Variants in RP1 observed in about 807,000 individuals in gnomAD.
RP1 encodes RP1 axonemal microtubule associated.
In RP1, 16 loss-of-function variants were observed where a neutral mutation model predicts 14.8. The ratio of observed to expected loss-of-function variants is 1.08; its 90% confidence interval spans 0.73 to 1.65. RP1 has a LOEUF of 1.65. Among genes scored for constraint, RP1 ranks in the 40% most tolerant of loss-of-function variants. The pLI, the probability that RP1 is intolerant of heterozygous loss-of-function variation, is 0.00. For missense variants in RP1, 2,631 were observed against 2,535.0 expected (o/e 1.04, Z -0.81); for synonymous variants, 876 against 883.6 (o/e 0.99, Z 0.15).
At chr8:54,597,728 G>A (rs1353659158) in intron 1 of RP1, among the ~76,000 whole-genome samples, 2 of 152,140 alleles carry the variant, frequency 1.3e-5, no homozygotes, top group South Asian at 2.1e-4. Flanking sequence ...AATAAACAAT[G>A]CCAGACAAAA....
intron 5 of RP1, among the ~76,000 whole-genome samples, chr8:54,654,508 T>C (rs745817860): frequency 2.6e-5 from 4 of 152,178 alleles, no homozygotes; most frequent in Non-Finnish European, 5.9e-5. Context: ...AAACAATAAT[T>C]TTTCTCATGG....
At chr8:54,763,612 G>A (rs978176746) in intron 22 of RP1, among the ~76,000 whole-genome samples, 27 of 152,170 alleles carry the variant, frequency 1.8e-4, no homozygotes, top group Non-Finnish European at 2.6e-4. Context: ...CCCAGGAGGC[G>A]GAGGTAGTGG....
At chr8:54,559,592 T>C (rs1010613374) in intron 1 of RP1, among the ~76,000 whole-genome samples, 17 of 152,124 alleles carry the variant, frequency 1.1e-4, no homozygotes, top group African/African-American at 4.1e-4. Context: ...TAAGGTATTG[T>C]AGTTTTGAGA....
intron 1 of RP1, 44 bp from the exon 2 acceptor site, chr8:54,620,911 G>C: frequency 1.9e-6 from 3 of 1,559,096 alleles, no homozygotes; most frequent in Non-Finnish European, 8.8e-7. Flanking sequence ...CCATGTATTC[G>C]CTATGGTGCT....
At chr8:54,592,526 T>G (rs747277148) in intron 1 of RP1, among the ~76,000 whole-genome samples, 2 of 152,230 alleles carry the variant, frequency 1.3e-5, no homozygotes, top group Non-Finnish European at 2.9e-5. Flanking sequence ...AACTTATTCT[T>G]TAGCCCTCTT....
At chr8:54,772,330 C>A (rs902411766), downstream of RP1, among the ~76,000 whole-genome samples, 1 of 151,950 alleles carries the variant, frequency 6.6e-6, no homozygotes, top group African/African-American at 2.4e-5. Context: ...TAAACCCCCT[C>A]ACTAACTCCA....
chr8:54,582,478 C>A lies in RP1; in HGVS notation c.-13+23158C>A, dbSNP rs1052067371. Among the ~76,000 whole-genome samples, 976 of 150,712 alleles carry A rather than the reference C, an allele frequency of 6.5e-3. 14 individuals carry two copies. The highest frequency in any genetic ancestry group is 0.022 in the African/African-American group (913 of 40,828). ...TTCTTTTGCCTTAGGATTGACTTGG[C>A]AATGCGGGCTCTTTTTTGGTTCCAT... On this transcript the variant is annotated intron_variant, in intron 1 of 22. Coordinates refer to the RP1 transcript ENST00000636932.
intron 28 of RP1, among the ~76,000 whole-genome samples, chr8:54,868,488 G>T (rs1401117646): frequency 6.6e-6 from 1 of 152,060 alleles, no homozygotes; most frequent in Non-Finnish European, 1.5e-5. Flanking sequence ...TTAGTTTCAT[G>T]GTTTGTTTGA....
At chr8:54,845,550 A>C (rs553153428) in intron 25 of RP1, among the ~76,000 whole-genome samples, 1 of 152,292 alleles carries the variant, frequency 6.6e-6, no homozygotes, top group Non-Finnish European at 1.5e-5. Flanking sequence ...GGCTACAGAG[A>C]GTCCTGCAGA....
chr8:54,795,152 G>T (rs184299280), intron 24 of RP1, among the ~76,000 whole-genome samples: 1 of 151,882 alleles, frequency 6.6e-6, no homozygotes, highest in African/African-American at 2.4e-5. Context: ...GGAATGTATC[G>T]GTACAGACAT....
chr8:54,836,625 G>A (rs1397484955), intron 24 of RP1, among the ~76,000 whole-genome samples: 1 of 152,168 alleles, frequency 6.6e-6, no homozygotes, highest in African/African-American at 2.4e-5. Context: ...TGCTAACAGC[G>A]TGAATAAGCT....
At chr8:54,646,186 A>G (rs1453964839) in intron 3 of RP1, among the ~76,000 whole-genome samples, 1 of 151,996 alleles carries the variant, frequency 6.6e-6, no homozygotes, top group East Asian at 1.9e-4. Context: ...TTTGACTTCT[A>G]CTTTAAAAGA....
In RP1 at chr8:54,627,877, C is replaced by T. The variant is rs764480983; in HGVS notation, c.3995C>T (p.Thr1332Ile). Residue 1332 changes from threonine (T) to isoleucine (I), a missense_variant, in exon 4 of 4, where the codon ACC becomes ATC. Thr to Ile is a moderately conservative substitution (Grantham distance 89). Coordinates refer to ENST00000220676, the MANE Select transcript of RP1 (RefSeq NM_006269.2). ...TYEGACPIDE[T>I]YVPVNVCNTI... ...GAGGGAGCTTGCCCAATTGATGAGA[C>T]CTACGTTCCTGTCAATGTCTGCAAT... 6.2e-7 allele frequency: 1 copy of T among 1,614,116 alleles called. No individual in the cohort carries two copies. The highest frequency in any genetic ancestry group is 8.5e-7 in the Non-Finnish European group (1 of 1,179,984).
chr8:54,827,250 C>T (rs530688294), intron 24 of RP1, among the ~76,000 whole-genome samples: 1 of 152,164 alleles, frequency 6.6e-6, no homozygotes, highest in Admixed American at 6.5e-5. Context: ...CCTTAGCTTA[C>T]TGTTTGATTT....
intron 7 of RP1, among the ~76,000 whole-genome samples, chr8:54,664,862 C>A (rs1195303213): frequency 6.6e-6 from 1 of 152,000 alleles, no homozygotes; most frequent in Non-Finnish European, 1.5e-5. Context: ...GAGAAGGAGG[C>A]AAGGATTGAA....
At chr8:54,593,562 A>G (rs1805083548) in intron 1 of RP1, among the ~76,000 whole-genome samples, 1 of 152,188 alleles carries the variant, frequency 6.6e-6, no homozygotes, top group South Asian at 2.1e-4. Context: ...TCACAAGTCC[A>G]GCTAATCTCA....
intron 15 of RP1, chr8:54,706,801 G>A (rs1391275487): frequency 1.3e-6 from 1 of 779,468 alleles, no homozygotes; most frequent in Non-Finnish European, 2.1e-6. Flanking sequence ...TAAGTGAGGA[G>A]AGCAGCCACA....
At chr8:54,680,591 G>A (rs567582157) in intron 12 of RP1, among the ~76,000 whole-genome samples, 25 of 152,192 alleles carry the variant, frequency 1.6e-4, no homozygotes, top group African/African-American at 4.3e-4. Context: ...CTAACCTACC[G>A]CATGTCTCAA....
chr8:54,674,724 T>C (rs975027547), intron 8 of RP1, among the ~76,000 whole-genome samples: 3 of 135,926 alleles, frequency 2.2e-5, no homozygotes, highest in Admixed American at 2.1e-4. Context: ...TATATACTTA[T>C]AATCCATGAA....
Sources: gnomAD v4.1 joint callset for allele counts (sites outside exome capture counted in the v4.1 genomes callset) on GRCh38, gnomAD v4.1.1 for gene constraint, MANE v1.5 for transcripts, NCBI Gene and HGNC (gene_info 2026-07-23, HGNC 2026-07-21) for gene names.